Variants in FSD1L observed in about 807,000 individuals in gnomAD.
FSD1L encodes fibronectin type III and SPRY domain containing 1 like, also known as FSD1-like protein.
FSD1L carries 45 observed loss-of-function variants against 71.6 expected under a neutral mutation model. The observed-to-expected ratio is 0.63, with a 90% confidence interval of 0.49 to 0.81. The LOEUF is 0.81. FSD1L is among the 30% of genes least tolerant of loss of function. The pLI is 0.00. For synonymous variants in FSD1L, 197 were observed against 207.2 expected (o/e 0.95, Z 0.42); for missense variants, 561 against 618.1 (o/e 0.91, Z 0.98).
chr9:105,477,269 TAAGAC>T (rs1831866366), intron 5 of FSD1L, among the ~76,000 whole-genome samples: 1 of 151,664 alleles, frequency 6.6e-6, no homozygotes, highest in Admixed American at 6.6e-5. Context: ...AGTTAGGAAA[TAAGAC>T]AAAAAAAAAC....
chr9:105,546,186 A>T (rs1014312320), intron 13 of FSD1L, among the ~76,000 whole-genome samples, 172 bp from the exon 14 acceptor site: 9 of 151,050 alleles, frequency 6.0e-5, no homozygotes, highest in Admixed American at 5.3e-4. Flanking sequence ...GTGGTTCTAA[A>T]ATAATTCTGA....
chr9:105,503,678 C>G (rs1833895870), intron 7 of FSD1L, among the ~76,000 whole-genome samples: 1 of 152,168 alleles, frequency 6.6e-6, no homozygotes, highest in South Asian at 2.1e-4. Context: ...TCTGCCTTGC[C>G]TAAGTAATAT....
intron 5 of FSD1L, 92 bp from the exon 6 acceptor site, chr9:105,479,262 A>G (rs1370116186): frequency 8.9e-6 from 10 of 1,121,904 alleles, no homozygotes; most frequent in Non-Finnish European, 1.2e-5. Context: ...TGCAGGGTTT[A>G]TATCCTAACT....
intron 10 of FSD1L, chr9:105,524,695 C>A: frequency 1.2e-6 from 2 of 1,613,984 alleles, no homozygotes; most frequent in Non-Finnish European, 1.7e-6. Context: ...TCTCCTGACT[C>A]AGAACGATCT....
At chr9:105,522,134 C>T (rs560596837) in intron 10 of FSD1L, 14 of 1,613,838 alleles carry the variant, frequency 8.7e-6, no homozygotes, top group East Asian at 2.2e-5. Flanking sequence ...TTATAGTTGC[C>T]TGGATCAAAG....
rs879159179 is a variant in FSD1L, at chr9:105,520,849, GAGATAA to G, written c.1025+7916_1025+7921del. The G allele has an allele frequency of 6.8e-6, 11 of 1,612,138 alleles. No homozygotes were observed. In the South Asian group the frequency reaches 9.9e-5, roughly 14 times the overall value. On this transcript the variant is annotated intron_variant, in intron 10 of 13. Coordinates refer to ENST00000481272, the MANE Select transcript of FSD1L (RefSeq NM_001145313.3). ...ACTCCTCTTGTCCCCCCACAATCAG[GAGATAA>G]AGGGCAAGAAGATCTCACAAGCTAT...
At chr9:105,514,955 A>G (rs1411548424) in intron 10 of FSD1L, among the ~76,000 whole-genome samples, 1 of 152,170 alleles carries the variant, frequency 6.6e-6, no homozygotes, top group African/African-American at 2.4e-5. Context: ...CCTCTGCCCT[A>G]AAGCAGTTTT....
At chr9:105,533,826 C>T (rs1184106897) in intron 10 of FSD1L, among the ~76,000 whole-genome samples, 3 of 151,674 alleles carry the variant, frequency 2.0e-5, no homozygotes, top group African/African-American at 7.3e-5. Context: ...TGGGTTCAAG[C>T]GATTCTCCTG....
chr9:105,531,865 C>T (rs921698286), intron 10 of FSD1L, among the ~76,000 whole-genome samples: 1 of 152,078 alleles, frequency 6.6e-6, no homozygotes, highest in Admixed American at 6.6e-5. Flanking sequence ...ATTTATATAC[C>T]GTGTTGAAAC....
Position 105,524,019 on chromosome 9 carries a change from C to T in FSD1L, c.1026-10474C>T, listed in dbSNP as rs180977147. On this transcript the variant is annotated intron_variant, in intron 10 of 13. Transcript: ENST00000481272. ...ATATTGTGAACTGCCTTCTCTTCAT[C>T]CCAACATTCCTGATGTTGCTGTGTC... 2.9e-5 allele frequency: 47 copies of T among 1,600,016 alleles called. No homozygotes were observed. The Middle Eastern group carries it at 1.1e-3, about 38-fold the overall frequency.
intron 7 of FSD1L, among the ~76,000 whole-genome samples, chr9:105,490,635 T>G (rs1483482431): frequency 7.7e-5 from 11 of 143,756 alleles, no homozygotes; most frequent in Non-Finnish European, 4.6e-5. Flanking sequence ...TTTTATGGTT[T>G]TAGGTCTAAC....
chr9:105,469,702 G>GT (rs57481431), intron 4 of FSD1L, among the ~76,000 whole-genome samples: 63 of 141,816 alleles, frequency 4.4e-4, no homozygotes, highest in East Asian at 3.1e-3. Flanking sequence ...TGATTCACAG[G>GT]TTTTTTTTTT....
intron 9 of FSD1L, among the ~76,000 whole-genome samples, chr9:105,510,847 C>T (rs945440106): frequency 3.3e-5 from 5 of 152,048 alleles, no homozygotes; most frequent in South Asian, 2.1e-4. Context: ...AGCAGCCACT[C>T]GCACAAGTTA....
intron 13 of FSD1L, among the ~76,000 whole-genome samples, chr9:105,546,015 G>A (rs1191424981): frequency 2.0e-5 from 3 of 152,076 alleles, no homozygotes; most frequent in Non-Finnish European, 2.9e-5. Flanking sequence ...TTGGTGCTTT[G>A]TATGCTTCCC....
Position 105,546,801 on chromosome 9 carries a change from G to C in FSD1L, c.*318G>C, listed in dbSNP as rs1377217891. Reference sequence around the variant, plus strand: ...CTATTCTAATGTTTAATTACATATGGTAACCCTAAGGCCTGGGGAGAAAAG... The same window carrying C: ...CTATTCTAATGTTTAATTACATATGCTAACCCTAAGGCCTGGGGAGAAAAG... On this transcript the variant is annotated 3_prime_UTR_variant, in exon 14 of 14. Coordinates refer to ENST00000481272, the MANE Select transcript of FSD1L (RefSeq NM_001145313.3). 1.2e-5 allele frequency: 2 copies of C among 164,990 alleles called. No homozygotes were observed. The highest frequency in any genetic ancestry group is 4.8e-5 in the African/African-American group (2 of 41,838). 10.2% of individuals were successfully genotyped at this position (164,990 alleles called of 1,614,324 possible).
intron 8 of FSD1L, among the ~76,000 whole-genome samples, chr9:105,507,018 T>C (rs1834095583): frequency 6.6e-6 from 1 of 152,160 alleles, no homozygotes; most frequent in South Asian, 2.1e-4. Context: ...TTTTGGACAT[T>C]TGTAACATAG....
In FSD1L at chr9:105,551,348, A is replaced by C. The variant is rs896484646; in HGVS notation, c.*4865A>C. ...ATTAATCACCTTAGCTCTACCATAT[A>C]CTAGATCTGTGACCGCTACACAAAT... On this transcript the variant is annotated 3_prime_UTR_variant, in exon 14 of 14. Transcript: ENST00000481272. 6.6e-6 allele frequency: 1 copy of C among 152,010 alleles called. No individual in the cohort carries two copies. The highest frequency in any genetic ancestry group is 2.4e-5 in the African/African-American group (1 of 41,398). The allele number at this position is 152,010 out of a possible 1,614,324, so 9.4% of individuals were successfully genotyped here. A position where few individuals can be genotyped will look rare whatever the true frequency, so the allele number is the denominator to read the frequency against.
intron 6 of FSD1L, among the ~76,000 whole-genome samples, chr9:105,481,774 G>A (rs115652661): frequency 0.016 from 2,378 of 151,322 alleles, 87 homozygotes; most frequent in African/African-American, 0.055. Flanking sequence ...AGCAAAGAAA[G>A]GATTTTTTTT....
intron 7 of FSD1L, among the ~76,000 whole-genome samples, chr9:105,494,315 C>G (rs935302261): frequency 6.6e-6 from 1 of 152,130 alleles, no homozygotes; most frequent in Non-Finnish European, 1.5e-5. Context: ...CTTCTGCATT[C>G]TTCACGTAGT....
Sources: gnomAD v4.1 joint callset for allele counts (sites outside exome capture counted in the v4.1 genomes callset) on GRCh38, gnomAD v4.1.1 for gene constraint, MANE v1.5 for transcripts, NCBI Gene and HGNC (gene_info 2026-07-23, HGNC 2026-07-21) for gene names.